The following RARS2 variants were observed in gnomAD, a reference collection of about 807,000 sequenced individuals.
RARS2 encodes arginyl-tRNA synthetase 2, mitochondrial.
RARS2 carries 67 observed loss-of-function variants against 88.5 expected under a neutral mutation model. The observed-to-expected ratio is 0.76, with a 90% confidence interval of 0.62 to 0.93. The LOEUF (loss-of-function observed/expected upper bound fraction) is 0.93. Ranked by LOEUF, RARS2 falls within the 40% of genes least tolerant of loss-of-function variation. RARS2 has a pLI of 0.00. For missense variants in RARS2, 664 were observed against 684.2 expected, an observed-to-expected ratio of 0.97 and a Z score of 0.33; for synonymous variants, 239 against 230.3, an observed-to-expected ratio of 1.04 and a Z score of -0.34.
intron 1 of RARS2, among the ~76,000 whole-genome samples, chr6:87,585,328 T>A (rs1582910176): frequency 6.6e-6 from 1 of 152,310 alleles, no homozygotes; most frequent in East Asian, 1.9e-4. Context: ...AAACAGACAC[T>A]AAAACAAGTA....
At chr6:87,525,673 C>A (rs1775427749) in intron 10 of RARS2, among the ~76,000 whole-genome samples, 1 of 151,878 alleles carries the variant, frequency 6.6e-6, no homozygotes, top group Admixed American at 6.6e-5. Context: ...TTCAGCCTCT[C>A]AAGTAGCTGG....
At chr6:87,564,417 T>C in intron 2 of RARS2, 185 bp from the exon 3 acceptor site, 3 of 588,648 alleles carry the variant, frequency 5.1e-6, no homozygotes, top group Non-Finnish European at 9.1e-6. Flanking sequence ...CCCAGCACTT[T>C]GGGAGGCTAA....
chr6:87,544,224 A>C (rs1781898351), intron 7 of RARS2, among the ~76,000 whole-genome samples: 1 of 152,244 alleles, frequency 6.6e-6, no homozygotes, highest in Admixed American at 6.5e-5. Context: ...CTGACTATTG[A>C]GCCTAGGGCC....
In RARS2 at chr6:87,524,583, A is replaced by T. The variant is rs1372027155; in HGVS notation, c.948T>A (p.Ser316Arg). 2 of 1,612,902 alleles carry T rather than the reference A, an allele frequency of 1.2e-6. No individual in the cohort carries two copies. The highest frequency in any genetic ancestry group is 1.7e-6 in the Non-Finnish European group (2 of 1,178,922). Residue 316 changes from serine to arginine, a missense_variant, in exon 11 of 20, where the codon AGT (serine) becomes AGA (arginine). Physicochemically the swap from Ser to Arg is moderately radical, Grantham distance 110. Transcript: ENST00000369536. The part of the protein sequence containing the change: ...DPSSICTVMR[S>R]DGTSLYATRD... The stretch of plus-strand genomic sequence containing the variant: ...TGGTTGCATAGAGAGAAGTCCCATC[A>T]CTTCGCATTACAGTACAAATTGAGG...
chr6:87,547,644 T>C (rs1782979216), intron 6 of RARS2, among the ~76,000 whole-genome samples: 1 of 151,664 alleles, frequency 6.6e-6, no homozygotes, highest in Non-Finnish European at 1.5e-5. Flanking sequence ...TAGTCTTTTT[T>C]CTTTTCTTTT....
intron 3 of RARS2, 114 bp downstream of exon 3, chr6:87,564,016 A>C (rs957398736): frequency 7.7e-6 from 6 of 775,758 alleles, no homozygotes; most frequent in Non-Finnish European, 1.3e-5. Flanking sequence ...ATTACACAAG[A>C]TGCCTCAAAG....
Position 87,514,350 on chromosome 6 carries a change from C to A in RARS2, c.*63G>T. The stretch of plus-strand genomic sequence containing the variant: ...AAAAATTTAAATTTATTCTGAACAG[C>A]AAGGCATCTCAGAATAGATAACTAG... On this transcript the variant is annotated 3_prime_UTR_variant, in exon 20 of 20. Coordinates refer to ENST00000369536, the MANE Select transcript of RARS2 (RefSeq NM_020320.5). 7.9e-6 allele frequency: 9 copies of A among 1,141,554 alleles called. No homozygotes were observed. The highest frequency in any genetic ancestry group is 1.2e-5 in the Non-Finnish European group (9 of 756,246). The allele number at this position is 1,141,554 out of a possible 1,614,324, so 70.7% of individuals were successfully genotyped here. A position where few individuals can be genotyped will look rare whatever the true frequency, so the allele number is the denominator to read the frequency against.
chr6:87,573,928 T>C (rs943285193), intron 1 of RARS2, among the ~76,000 whole-genome samples: 1 of 152,218 alleles, frequency 6.6e-6, no homozygotes, highest in East Asian at 1.9e-4. Context: ...TGGAGGAGAA[T>C]GGAACAGCCC....
chr6:87,536,929 A>G (rs908202256), intron 8 of RARS2, among the ~76,000 whole-genome samples: 5 of 152,242 alleles, frequency 3.3e-5, no homozygotes, highest in African/African-American at 4.8e-5. Flanking sequence ...GCTAGATGTC[A>G]TGGGAAAAGA....
chr6:87,536,385 C>G (rs995180781), intron 8 of RARS2, among the ~76,000 whole-genome samples: 1 of 151,872 alleles, frequency 6.6e-6, no homozygotes, highest in Non-Finnish European at 1.5e-5. Context: ...ACCTGTAATC[C>G]CAGCATTTTG....
At chr6:87,579,979 T>C (rs1772974191) in intron 1 of RARS2, among the ~76,000 whole-genome samples, 2 of 151,964 alleles carry the variant, frequency 1.3e-5, no homozygotes, top group Non-Finnish European at 2.9e-5. Context: ...GACCTCGTGA[T>C]CCACCCGCCT....
At chr6:87,538,733 T>C (rs2128097521) in intron 8 of RARS2, among the ~76,000 whole-genome samples, 1 of 152,130 alleles carries the variant, frequency 6.6e-6, no homozygotes, top group Admixed American at 6.6e-5. Flanking sequence ...CCTATTGTTA[T>C]TTAAAAAATT....
intron 5 of RARS2, among the ~76,000 whole-genome samples, chr6:87,551,102 G>T (rs1006880728): frequency 6.6e-6 from 1 of 151,974 alleles, no homozygotes; most frequent in African/African-American, 2.4e-5. Flanking sequence ...TAGAAAAATT[G>T]AATCTATCCA....
rs924050050 is a variant in RARS2 at position 87,518,571 on chromosome 6, C to T, written c.1415+59G>A. The stretch of plus-strand genomic sequence containing the variant: ...AACAGGGCCTCTGGTCTTAGAATCA[C>T]AGGACCTAGCCTAAGTAAGCACAGT... On this transcript the variant is annotated intron_variant, in intron 16 of 19. Coordinates refer to ENST00000369536, the MANE Select transcript of RARS2 (RefSeq NM_020320.5). 14 of 1,510,116 alleles carry T rather than the reference C, an allele frequency of 9.3e-6. No homozygotes were observed. In the African/African-American group the frequency reaches 1.7e-4, roughly 18 times the overall value. The allele number at this position is 1,510,116 out of a possible 1,614,324, so 93.5% of individuals were successfully genotyped here. A position where few individuals can be genotyped will look rare whatever the true frequency, so the allele number is the denominator to read the frequency against.
intron 5 of RARS2, among the ~76,000 whole-genome samples, chr6:87,549,841 T>C (rs1287047230): frequency 6.6e-6 from 1 of 152,218 alleles, no homozygotes; most frequent in African/African-American, 2.4e-5. Context: ...GAAGCAAATA[T>C]GGCAATATCT....
At chr6:87,515,353 C>CTTAG (rs1485380699) in intron 18 of RARS2, among the ~76,000 whole-genome samples, 1 of 152,034 alleles carries the variant, frequency 6.6e-6, no homozygotes, top group African/African-American at 2.4e-5. Flanking sequence ...AACCCCGTCT[C>CTTAG]TACTAAAAAT....
chr6:87,560,358 G>C (rs1260118455), intron 4 of RARS2, among the ~76,000 whole-genome samples: 1 of 152,140 alleles, frequency 6.6e-6, no homozygotes, highest in Non-Finnish European at 1.5e-5. Flanking sequence ...ACAGGGTTTT[G>C]TTTGAATTTT....
Position 87,518,108 on chromosome 6 carries a change from A to C in RARS2, c.1511+61T>G, listed in dbSNP as rs552906341. The C allele has an allele frequency of 6.2e-6, 10 of 1,613,636 alleles. No homozygotes were observed. The African/African-American group carries it at 1.1e-4, about 17-fold the overall frequency. On this transcript the variant is annotated intron_variant, in intron 17 of 19. Transcript: ENST00000369536. ...ACTGTTGACTCTACTGGGCAGCAAA[A>C]ATGCTAATAGCCATTTTGATAAGCA...
chr6:87,527,160 T>G (rs1776026921), intron 10 of RARS2, among the ~76,000 whole-genome samples: 1 of 151,800 alleles, frequency 6.6e-6, no homozygotes, highest in Admixed American at 6.6e-5. Flanking sequence ...AATACAAAAA[T>G]TAGCTGGGTA....
Sources: gnomAD v4.1 joint callset for allele counts (sites outside exome capture counted in the v4.1 genomes callset) on GRCh38, gnomAD v4.1.1 for gene constraint, MANE v1.5 for transcripts, NCBI Gene and HGNC (gene_info 2026-07-23, HGNC 2026-07-21) for gene names.